The following NAALADL2 variants were observed in gnomAD, a reference collection of about 807,000 sequenced individuals.
NAALADL2 encodes N-acetylated alpha-linked acidic dipeptidase like 2.
In NAALADL2, 76 loss-of-function variants were observed where a neutral mutation model predicts 87.2. That is an observed-to-expected ratio of 0.87 (90% CI 0.72 to 1.05). NAALADL2 has a LOEUF of 1.05. Ranked by LOEUF, NAALADL2 falls within the 50% of genes least tolerant of loss-of-function variation. The pLI is 0.00. For synonymous variants in NAALADL2, 354 were observed against 331.0 expected, an observed-to-expected ratio of 1.07 and a Z score of -0.75; for missense variants, 1,089 against 945.8, an observed-to-expected ratio of 1.15 and a Z score of -1.99.
intron 5 of NAALADL2, among the ~76,000 whole-genome samples, chr3:175,416,877 C>T (rs1714727675): frequency 6.6e-6 from 1 of 151,752 alleles, no homozygotes; most frequent in South Asian, 2.1e-4. Context: ...TGTGTGAAAA[C>T]AAATAAATAT....
At chr3:174,704,385 G>T (rs535350603) in intron 2 of NAALADL2, among the ~76,000 whole-genome samples, 1 of 152,152 alleles carries the variant, frequency 6.6e-6, no homozygotes, top group South Asian at 2.1e-4. Context: ...ATGTTCACTC[G>T]AAGAAAGAAA....
chr3:175,223,094 C>CTGTGTGTGTGTGTGTG (rs71626203), intron 2 of NAALADL2, among the ~76,000 whole-genome samples: 33 of 147,592 alleles, frequency 2.2e-4, no homozygotes, highest in South Asian at 4.3e-4. Flanking sequence ...CATAGTTACT[C>CTGTGTGTGTGTGTGTG]TGTGTGTGTG....
At position 174,987,827 on chromosome 3, in the gene NAALADL2, T is replaced by TATATATATATATATATATAA. The variant is rs1222203525; in HGVS notation, c.44-108962_44-108961insTATATATATATATATATAAA. 2.5e-4 allele frequency among the ~76,000 whole-genome samples: 32 copies of TATATATATATATATATATAA among 130,526 alleles called. 1 individual carries two copies. Among genetic ancestry groups the TATATATATATATATATATAA allele is most frequent in the African/African-American group, 1.0e-3 (28 of 27,126 alleles). The allele number at this position is 130,526 out of a possible 152,430, so 85.6% of individuals were successfully genotyped here. A position where few individuals can be genotyped will look rare whatever the true frequency, so the allele number is the denominator to read the frequency against. ...ATATATATAATTATATATATATATATAATGAGACCTTGTCTCTCCAAGGTC... is the reference window on the plus strand; with the variant it reads ...ATATATATAATTATATATATATATATATATATATATATATATATAAAATGAGACCTTGTCTCTCCAAGGTC... On this transcript the variant is annotated intron_variant, in intron 1 of 13. Transcript: ENST00000454872.
At chr3:175,100,856 A>AAAAAAC (rs1560027199) in intron 2 of NAALADL2, among the ~76,000 whole-genome samples, 6 of 151,338 alleles carry the variant, frequency 4.0e-5, no homozygotes, top group African/African-American at 1.5e-4. Context: ...AAAAAAAAAA[A>AAAAAAC]AAAAATTGCA....
At chr3:174,763,705 G>T (rs1713394197) in intron 3 of NAALADL2, among the ~76,000 whole-genome samples, 1 of 149,280 alleles carries the variant, frequency 6.7e-6, no homozygotes. Context: ...GGTAGAAAAT[G>T]AAAAATAACC....
At chr3:175,760,297 G>C (rs1242210432) in intron 13 of NAALADL2, among the ~76,000 whole-genome samples, 1 of 152,084 alleles carries the variant, frequency 6.6e-6, no homozygotes, top group East Asian at 1.9e-4. Context: ...ATTATATGAA[G>C]ATCTATGGAT....
At chr3:175,316,671 G>T (rs970189459) in intron 4 of NAALADL2, among the ~76,000 whole-genome samples, 2 of 152,138 alleles carry the variant, frequency 1.3e-5, no homozygotes, top group African/African-American at 4.8e-5. Context: ...AGAGACAGCA[G>T]ATTTCACCCC....
At chr3:174,551,627 T>G (rs1578148733) in intron 2 of NAALADL2, among the ~76,000 whole-genome samples, 1 of 152,304 alleles carries the variant, frequency 6.6e-6, no homozygotes, top group East Asian at 1.9e-4. Flanking sequence ...TGTTAACTAC[T>G]ATATTATTTC....
intron 5 of NAALADL2, among the ~76,000 whole-genome samples, chr3:175,396,308 A>G (rs1425128791): frequency 6.7e-6 from 1 of 149,006 alleles, no homozygotes; most frequent in East Asian, 1.9e-4. Context: ...ATCTTTCAGT[A>G]CTGATTTTAA....
At chr3:175,232,377 C>G (rs941503408) in intron 2 of NAALADL2, among the ~76,000 whole-genome samples, 1 of 152,106 alleles carries the variant, frequency 6.6e-6, no homozygotes. Context: ...AAGCTGTGGC[C>G]TCAGACTTAC....
At chr3:175,694,311 TA>T (rs1737449331) in intron 11 of NAALADL2, among the ~76,000 whole-genome samples, 1 of 152,198 alleles carries the variant, frequency 6.6e-6, no homozygotes, top group African/African-American at 2.4e-5. Context: ...AGAGTTTACC[TA>T]ATATTTATTT....
intron 4 of NAALADL2, chr3:175,256,991 A>AT (rs1447624405): frequency 6.6e-6 from 1 of 152,182 alleles, no homozygotes; most frequent in Non-Finnish European, 1.5e-5. Flanking sequence ...TTTGTCAACT[A>AT]TACAACTACA....
chr3:174,733,940 G>A (rs1461000508), intron 2 of NAALADL2, among the ~76,000 whole-genome samples: 1 of 152,044 alleles, frequency 6.6e-6, no homozygotes, highest in African/African-American at 2.4e-5. Context: ...GAGGCCTGGT[G>A]GGGGGTCCTT....
chr3:174,593,482 T>C (rs887491775), intron 2 of NAALADL2, among the ~76,000 whole-genome samples: 1 of 152,138 alleles, frequency 6.6e-6, no homozygotes, highest in Non-Finnish European at 1.5e-5. Flanking sequence ...AGCTGTTAAA[T>C]GACATGGCTG....
At chr3:174,501,666 G>A (rs923040866) in intron 1 of NAALADL2, among the ~76,000 whole-genome samples, 8 of 152,050 alleles carry the variant, frequency 5.3e-5, no homozygotes, top group African/African-American at 1.9e-4. Context: ...TTTCATCTAA[G>A]TTGTAGAATG....
At chr3:174,626,719 T>C (rs997422688) in intron 2 of NAALADL2, among the ~76,000 whole-genome samples, 2 of 151,950 alleles carry the variant, frequency 1.3e-5, no homozygotes, top group Non-Finnish European at 2.9e-5. Flanking sequence ...TATTTTAAAG[T>C]TTTATTTTCC....
intron 1 of NAALADL2, among the ~76,000 whole-genome samples, chr3:175,005,941 C>T (rs904147379): frequency 6.6e-6 from 1 of 152,122 alleles, no homozygotes; most frequent in African/African-American, 2.4e-5. Flanking sequence ...GTTGCAACAG[C>T]GTTTGTCTAA....
intron 1 of NAALADL2, among the ~76,000 whole-genome samples, chr3:174,968,536 G>A (rs967644867): frequency 3.3e-5 from 5 of 151,996 alleles, no homozygotes; most frequent in Non-Finnish European, 7.4e-5. Context: ...CTGCAGTGTA[G>A]TGACATGATC....
intron 11 of NAALADL2, among the ~76,000 whole-genome samples, chr3:175,691,546 T>C (rs1424361248): frequency 6.6e-6 from 1 of 151,918 alleles, no homozygotes; most frequent in Non-Finnish European, 1.5e-5. Context: ...GGTTTAAAAT[T>C]TTATCATCTA....
Sources: gnomAD v4.1 joint callset for allele counts (sites outside exome capture counted in the v4.1 genomes callset) on GRCh38, gnomAD v4.1.1 for gene constraint, MANE v1.5 for transcripts, NCBI Gene and HGNC (gene_info 2026-07-23, HGNC 2026-07-21) for gene names.